The following AFF2 variants were observed in gnomAD, a reference collection of about 807,000 sequenced individuals.
AFF2 encodes the protein AF4/FMR2 family member 2.
In AFF2, 14 loss-of-function variants were observed where a neutral mutation model predicts 76.9. That is an observed-to-expected ratio of 0.18 (90% CI 0.12 to 0.28). AFF2 has a LOEUF of 0.28. Among genes scored for constraint, AFF2 ranks in the 10% least tolerant of loss-of-function variants. The probability of loss-of-function intolerance (pLI) is 1.00; values close to 1 mark genes in which losing one functional copy is unlikely to be tolerated. For synonymous variants in AFF2, 398 were observed against 366.7 expected (o/e 1.09, Z -0.98); for missense variants, 868 against 1,001.1 (o/e 0.87, Z 1.79).
intron 1 of AFF2, among the ~76,000 whole-genome samples, chrX:148,579,231 A>G (rs1001238749): frequency 4.5e-5 from 5 of 112,262 alleles, no homozygotes; most frequent in African/African-American, 1.6e-4. Flanking sequence ...TAGATTCCAT[A>G]CGCTGAACTG....
At chrX:148,550,209 G>A (rs2052974291) in intron 1 of AFF2, among the ~76,000 whole-genome samples, 2 of 112,028 alleles carry the variant, frequency 1.8e-5, no homozygotes, top group African/African-American at 3.2e-5. Context: ...CCTTTGTGGT[G>A]TATATTTGCA....
intron 4 of AFF2, among the ~76,000 whole-genome samples, chrX:148,835,940 C>T (rs1426322262): frequency 5.4e-5 from 6 of 111,642 alleles, no homozygotes; most frequent in Admixed American, 9.6e-5. Flanking sequence ...ATACCAACAG[C>T]TCCCCCATCC....
chrX:148,952,837 G>T (rs781911073), intron 9 of AFF2, among the ~76,000 whole-genome samples: 2 of 111,893 alleles, frequency 1.8e-5, no homozygotes, highest in Non-Finnish European at 3.8e-5. Flanking sequence ...GTTATAAAAA[G>T]TATGGTGGAG....
At chrX:148,617,098 A>G (rs2053816487) in intron 1 of AFF2, among the ~76,000 whole-genome samples, 2 of 111,711 alleles carry the variant, frequency 1.8e-5, no homozygotes, top group South Asian at 7.4e-4. Context: ...CAGTAATGGG[A>G]TGGCTGGGTC....
intron 3 of AFF2, among the ~76,000 whole-genome samples, chrX:148,725,810 A>T (rs1310410087): frequency 8.9e-6 from 1 of 112,558 alleles, no homozygotes; most frequent in Non-Finnish European, 1.9e-5. Flanking sequence ...TATGGATAGT[A>T]TATCTTGGCC....
rs60403490 is a variant in AFF2 at position 148,961,502 on chromosome X, TCA to T, written c.2691-1212_2691-1211del. On this transcript the variant is annotated intron_variant, in intron 12 of 20. Coordinates refer to ENST00000370460, the MANE Select transcript of AFF2 (RefSeq NM_002025.4). ...TAATGACAGAAACAGTTGCGTTTTT[TCA>T]GTTTCGCTACACAACAAAAAGTAAC... 1.8e-3 allele frequency among the ~76,000 whole-genome samples: 200 copies of T among 112,361 alleles called. 2 individuals carry two copies. The highest frequency in any genetic ancestry group is 6.2e-3 in the African/African-American group (193 of 30,974).
chrX:148,916,619 CT>C (rs1463023607), intron 9 of AFF2, among the ~76,000 whole-genome samples: 23 of 112,146 alleles, frequency 2.1e-4, no homozygotes, highest in African/African-American at 6.5e-4. Context: ...ATGATTTCTT[CT>C]TGCACATAGT....
intron 1 of AFF2, among the ~76,000 whole-genome samples, chrX:148,511,779 T>C (rs2052485123): frequency 8.9e-6 from 1 of 112,937 alleles, no homozygotes; most frequent in African/African-American, 3.2e-5. Flanking sequence ...TCAGGTTTCT[T>C]GGGCCCAAAG....
intron 1 of AFF2, among the ~76,000 whole-genome samples, chrX:148,627,419 G>A (rs2053937192): frequency 8.9e-6 from 1 of 112,021 alleles, no homozygotes; most frequent in African/African-American, 3.2e-5. Flanking sequence ...TTGAATGGGG[G>A]TCAGCTTGCC....
chrX:148,567,948 A>C, intron 1 of AFF2, among the ~76,000 whole-genome samples: 1 of 111,334 alleles, frequency 9.0e-6, no homozygotes, highest in East Asian at 2.9e-4. Context: ...CCAGCTCAGC[A>C]GTCTCCAGCA....
intron 3 of AFF2, among the ~76,000 whole-genome samples, chrX:148,774,175 G>C (rs191220287): frequency 1.1e-4 from 12 of 111,818 alleles, no homozygotes; most frequent in Admixed American, 1.0e-3. Context: ...AATCAGGTCA[G>C]CCACAAAGTT....
intron 15 of AFF2, 127 bp from the exon 16 acceptor site, chrX:148,973,343 GT>G: frequency 3.6e-6 from 3 of 829,171 alleles, no homozygotes; most frequent in Middle Eastern, 7.7e-4. Flanking sequence ...ACAACTGAAA[GT>G]GTCTCCAGAC....
intron 9 of AFF2, among the ~76,000 whole-genome samples, chrX:148,945,918 A>G (rs1169838984): frequency 8.9e-6 from 1 of 111,740 alleles, no homozygotes; most frequent in Non-Finnish European, 1.9e-5. Flanking sequence ...AGCTGTCTAG[A>G]TATGTGGCAG....
At chrX:148,968,666 C>T (rs1350541260) in intron 15 of AFF2, among the ~76,000 whole-genome samples, 1 of 112,290 alleles carries the variant, frequency 8.9e-6, no homozygotes, top group East Asian at 2.8e-4. Context: ...TGTCCATGGT[C>T]CTTACATCTG....
At chrX:148,674,053 G>A (rs1400001345) in intron 3 of AFF2, among the ~76,000 whole-genome samples, 1 of 111,782 alleles carries the variant, frequency 8.9e-6, no homozygotes, top group East Asian at 2.8e-4. Flanking sequence ...CGGGCTATAT[G>A]GTCTGTCTGT....
intron 1 of AFF2, among the ~76,000 whole-genome samples, chrX:148,576,257 T>C (rs782647293): frequency 8.9e-6 from 1 of 111,854 alleles, no homozygotes; most frequent in African/African-American, 3.2e-5. Flanking sequence ...TGGCAGCCTT[T>C]GGGGGAAAGT....
intron 1 of AFF2, among the ~76,000 whole-genome samples, chrX:148,606,411 G>A (rs2053672897): frequency 9.1e-6 from 1 of 110,222 alleles, no homozygotes; most frequent in South Asian, 3.8e-4. Context: ...TTCAATTAAG[G>A]TAATATAAGT....
At chrX:148,803,323 G>A (rs2070085050) in intron 3 of AFF2, among the ~76,000 whole-genome samples, 1 of 111,332 alleles carries the variant, frequency 9.0e-6, no homozygotes. Context: ...TGGAATCATA[G>A]CAAGAAGCCT....
At chrX:148,762,480 A>ATG (rs144985699) in intron 3 of AFF2, among the ~76,000 whole-genome samples, 13,710 of 92,071 alleles carry the variant, frequency 0.15, 952 homozygotes, top group Non-Finnish European at 0.17. Flanking sequence ...ACATATGTAT[A>ATG]TGTGTGTGTG....
Sources: gnomAD v4.1 joint callset for allele counts (sites outside exome capture counted in the v4.1 genomes callset) on GRCh38, gnomAD v4.1.1 for gene constraint, MANE v1.5 for transcripts, NCBI Gene and HGNC (gene_info 2026-07-23, HGNC 2026-07-21) for gene names.